Variants in RGS22 observed in about 807,000 individuals in gnomAD.
RGS22 encodes the protein regulator of G protein signaling 22.
In RGS22, 148 loss-of-function variants were observed where a neutral mutation model predicts 172.9. The observed-to-expected ratio is 0.86, with a 90% CI of 0.75 to 0.98. The LOEUF is 0.98. Ranked by LOEUF, RGS22 falls within the 50% of genes least tolerant of loss-of-function variation. The pLI, the probability that RGS22 is intolerant of heterozygous loss-of-function variation, is 0.00. For missense variants in RGS22, 1,347 were observed against 1,440.8 expected, an observed-to-expected ratio of 0.93 and a Z score of 1.05; for synonymous variants, 458 against 480.2, an observed-to-expected ratio of 0.95 and a Z score of 0.60.
At chr8:100,038,721 G>A (rs952401915) in intron 14 of RGS22, 1 of 381,138 alleles carries the variant, frequency 2.6e-6, no homozygotes, top group Middle Eastern at 4.2e-4. Context: ...AGAAAATAAA[G>A]CAAACCAAAT....
intron 20 of RGS22, 54 bp from the exon 21 acceptor site, chr8:99,987,673 C>T: frequency 2.2e-6 from 3 of 1,356,906 alleles, no homozygotes; most frequent in South Asian, 2.0e-5. Flanking sequence ...CTAACAATTA[C>T]CAACTTCTAT....
intron 4 of RGS22, among the ~76,000 whole-genome samples, chr8:100,078,101 T>G (rs1811487184): frequency 2.0e-5 from 3 of 152,224 alleles, no homozygotes; most frequent in Admixed American, 2.0e-4. Flanking sequence ...ACTTCTAACC[T>G]ATTTATGTCT....
rs562823415 is a variant in RGS22 at position 99,974,422 on chromosome 8, G to A, written c.3519+3495C>T. 4.6e-5 allele frequency among the ~76,000 whole-genome samples: 7 copies of A among 152,220 alleles called. No homozygotes were observed. The South Asian group carries it at 1.5e-3, about 32-fold the overall frequency. On this transcript the variant is annotated intron_variant, in intron 23 of 27. Coordinates refer to ENST00000360863, the MANE Select transcript of RGS22 (RefSeq NM_015668.5). ...ATGGAACATTTTCTAGTCATAAAAT[G>A]CTATGTTCACAAAGAATGTTTAATG...
rs1003278444 is a variant in RGS22, at chr8:100,082,896, T to G, written c.118-2541A>C. On this transcript the variant is annotated intron_variant, in intron 3 of 27. Coordinates refer to ENST00000360863, the MANE Select transcript of RGS22 (RefSeq NM_015668.5). ...CACAGAGGCATGAAGCAACATGGTG[T>G]ATGTGGGTAACTCTACGCAGCTGGA... 3.9e-5 allele frequency among the ~76,000 whole-genome samples: 6 copies of G among 152,276 alleles called. 1 individual carries two copies. In the South Asian group the frequency reaches 6.2e-4, roughly 16 times the overall value.
At chr8:100,001,404 G>A (rs764931871) in intron 18 of RGS22, among the ~76,000 whole-genome samples, 2 of 151,194 alleles carry the variant, frequency 1.3e-5, no homozygotes, top group African/African-American at 2.4e-5. Context: ...ACCTGGCTAA[G>A]TTTTGTATTT....
chr8:100,088,194 G>C (rs1812301942), intron 3 of RGS22, among the ~76,000 whole-genome samples: 1 of 152,008 alleles, frequency 6.6e-6, no homozygotes, highest in Admixed American at 6.6e-5. Flanking sequence ...AAAGTGTGGA[G>C]AATCAGTCCA....
At chr8:99,993,228 A>C (rs371591062) in intron 20 of RGS22, among the ~76,000 whole-genome samples, 1 of 152,202 alleles carries the variant, frequency 6.6e-6, no homozygotes, top group African/African-American at 2.4e-5. Context: ...AGAGCAAACA[A>C]ATTCAAAAGC....
intron 14 of RGS22, among the ~76,000 whole-genome samples, chr8:100,035,044 T>C (rs534987282): frequency 1.7e-4 from 26 of 152,278 alleles, no homozygotes; most frequent in African/African-American, 5.8e-4. Context: ...GACATAGGCA[T>C]GGGCAAGGAC....
intron 23 of RGS22, among the ~76,000 whole-genome samples, chr8:99,967,496 T>C (rs1441728195): frequency 6.6e-6 from 1 of 152,128 alleles, no homozygotes; most frequent in Non-Finnish European, 1.5e-5. Flanking sequence ...AAATTCTCAC[T>C]GCCAGCACAA....
intron 10 of RGS22, 66 bp from the exon 11 acceptor site, chr8:100,047,662 C>A: frequency 5.7e-6 from 8 of 1,411,382 alleles, no homozygotes; most frequent in Non-Finnish European, 7.5e-6. Context: ...GCACCTATAC[C>A]TCAAATTTGT....
At chr8:100,067,945 A>G (rs1810660494) in intron 6 of RGS22, among the ~76,000 whole-genome samples, 1 of 152,086 alleles carries the variant, frequency 6.6e-6, no homozygotes, top group South Asian at 2.1e-4. Flanking sequence ...AGATGTGCCA[A>G]TTGTTTTTTA....
At chr8:100,094,360 T>C (rs957096604) in intron 2 of RGS22, among the ~76,000 whole-genome samples, 1 of 152,156 alleles carries the variant, frequency 6.6e-6, no homozygotes, top group Admixed American at 6.5e-5. Flanking sequence ...ATTATTTCCA[T>C]ATGGCTGATT....
intron 20 of RGS22, among the ~76,000 whole-genome samples, chr8:99,993,636 C>T (rs897408010): frequency 1.3e-5 from 2 of 151,950 alleles, no homozygotes; most frequent in African/African-American, 4.8e-5. Flanking sequence ...GCCTACCAAC[C>T]AAAAAAAGTC....
chr8:99,980,785 G>A (rs16897831), intron 22 of RGS22, among the ~76,000 whole-genome samples: 13,015 of 152,138 alleles, frequency 0.086, 692 homozygotes, highest in African/African-American at 0.14. Flanking sequence ...GACATTTACC[G>A]TCAGACTCAA....
At position 99,999,249 on chromosome 8, in the gene RGS22, C is replaced by T. The variant is rs766617132; in HGVS notation, c.2949+13G>A. ...TGACAACTGCTATCAAAAGATTATA[C>T]TAATTTATATACCTTTATCTTCTGA... On this transcript the variant is annotated intron_variant, in intron 19 of 27. Transcript: ENST00000360863. 1.2e-5 allele frequency: 20 copies of T among 1,609,148 alleles called. No homozygotes were observed. The Admixed American group carries it at 3.2e-4, about 26-fold the overall frequency.
At chr8:100,079,438 T>C (rs1811589210) in intron 4 of RGS22, among the ~76,000 whole-genome samples, 1 of 152,264 alleles carries the variant, frequency 6.6e-6, no homozygotes, top group African/African-American at 2.4e-5. Flanking sequence ...ACTTTCAGGC[T>C]AGAGTAGATC....
intron 14 of RGS22, among the ~76,000 whole-genome samples, chr8:100,032,603 A>T (rs1244670743): frequency 6.6e-6 from 1 of 152,192 alleles, no homozygotes; most frequent in Non-Finnish European, 1.5e-5. Context: ...TATTAGACAG[A>T]TCAATGAGAC....
chr8:99,979,719 G>C (rs1168036063), intron 22 of RGS22, among the ~76,000 whole-genome samples: 1 of 152,108 alleles, frequency 6.6e-6, no homozygotes, highest in Admixed American at 6.5e-5. Context: ...ACTCCTTTCT[G>C]TCATGATATA....
intron 22 of RGS22, among the ~76,000 whole-genome samples, chr8:99,979,445 T>A (rs1812318094): frequency 6.6e-6 from 1 of 152,184 alleles, no homozygotes; most frequent in African/African-American, 2.4e-5. Flanking sequence ...TCTCTAATCT[T>A]AAAAGATAAC....
Sources: allele counts gnomAD v4.1 joint callset (sites outside exome capture counted in the v4.1 genomes callset), GRCh38; gene constraint gnomAD v4.1.1; transcripts MANE v1.5; gene names NCBI Gene and HGNC (gene_info 2026-07-23, HGNC 2026-07-21).